The following BAG6 variants were observed in gnomAD, a reference collection of about 807,000 sequenced individuals.
The protein encoded by BAG6 is large proline-rich protein BAG6.
BAG6 carries 22 observed loss-of-function variants against 121.0 expected under a neutral mutation model. That is an observed-to-expected ratio of 0.18 (90% CI 0.13 to 0.26). The LOEUF is 0.26. Ranked by LOEUF, BAG6 falls within the 10% of genes least tolerant of loss-of-function variation. The pLI is 1.00. For synonymous variants in BAG6, 583 were observed against 584.6 expected (o/e 1.00, Z 0.04); for missense variants, 1,233 against 1,537.7 (o/e 0.80, Z 3.31).
chr6:31,642,327 G>A lies in BAG6; in HGVS notation c.2120C>T (p.Pro707Leu). 1 of 1,554,360 alleles carries A rather than the reference G, an allele frequency of 6.4e-7. No individual in the cohort carries two copies. Among genetic ancestry groups the A allele is most frequent in the Non-Finnish European group, 8.7e-7 (1 of 1,150,582 alleles). Reference sequence around the variant, plus strand: ...TGCGCCACCAGAAGGGGAGCCTGGTGGGGGCATGGTCTGCTGCTCTGGGGC... The same window carrying A: ...TGCGCCACCAGAAGGGGAGCCTGGTAGGGGCATGGTCTGCTGCTCTGGGGC... ...PPAPEQQTMP[P>L]PGSPSGGAGS... Residue 707 changes from proline (P) to leucine (L), a missense_variant, in exon 16 of 26, where the codon CCA becomes CTA. By Grantham distance (98) the Pro-to-Leu change is moderately conservative (BLOSUM62 -3). Around this residue, in one of 7 missense-constraint regions of BAG6, gnomAD observed 777 missense variants for 861.4 expected, o/e 0.90. Transcript: ENST00000676615.
At chr6:31,645,719 T>C (rs2150870571) in intron 8 of BAG6, 115 bp from the exon 9 acceptor site, 6 of 1,304,070 alleles carry the variant, frequency 4.6e-6, no homozygotes, top group South Asian at 2.5e-5. Context: ...CTTTCAGTTA[T>C]ATCCTTGGAA....
At chr6:31,648,270 C>T (rs1243724188) in intron 6 of BAG6, among the ~76,000 whole-genome samples, 1 of 152,180 alleles carries the variant, frequency 6.6e-6, no homozygotes, top group Non-Finnish European at 1.5e-5. Flanking sequence ...CCTGCCATGG[C>T]GACCCAAAGT....
chr6:31,651,966 G>A (rs897220998), intron 1 of BAG6, 190 bp from the exon 2 acceptor site: 16 of 531,940 alleles, frequency 3.0e-5, no homozygotes, highest in Admixed American at 1.5e-4. Context: ...GGAGATCGAC[G>A]GCTTAGGGAG....
chr6:31,644,813 A>C lies in BAG6; in HGVS notation c.1369+133T>G, dbSNP rs1231905022. 4 of 1,428,144 alleles carry C rather than the reference A, an allele frequency of 2.8e-6. No homozygotes were observed. The South Asian group carries it at 3.9e-5, about 14-fold the overall frequency. 88.5% of individuals were successfully genotyped at this position (1,428,144 alleles called of 1,614,324 possible). ...CCACACCCCCCACATCTGTCTACTT[A>C]AGCTTCTGCTCTGGTCCCCAGGCTA... is the stretch of plus-strand genomic sequence containing the variant. On this transcript the variant is annotated intron_variant, in intron 10 of 25. Coordinates refer to ENST00000676615, the MANE Select transcript of BAG6 (RefSeq NM_001387994.1). This position sits in a 1 kb window ranked among gnomAD's most constrained non-coding sequence, Gnocchi z 4.9.
At chr6:31,646,175 G>A (rs1788943436) in intron 8 of BAG6, among the ~76,000 whole-genome samples, 1 of 152,110 alleles carries the variant, frequency 6.6e-6, no homozygotes, top group African/African-American at 2.4e-5. Context: ...CAGTAGAGAT[G>A]GGGTTGCACC....
chr6:31,642,653 C>T (rs1035236185), intron 15 of BAG6, 176 bp downstream of exon 15: 1 of 819,048 alleles, frequency 1.2e-6, no homozygotes, highest in South Asian at 1.8e-5. Context: ...TTTTTCTAAA[C>T]CTCATTTTCT....
intron 1 of BAG6, 67 bp downstream of exon 1, chr6:31,652,357 A>ACACACACACACACACCCACC (rs878991736): frequency 4.9e-5 from 7 of 143,170 alleles, no homozygotes; most frequent in African/African-American, 1.6e-4. Context: ...ACACACACAC[A>ACACACACACACACACCCACC]CACCCACCAC....
In BAG6 at chr6:31,641,349, C is replaced by G. The variant is rs1170568661; in HGVS notation, c.2633G>C (p.Ser878Thr). 1 of 1,614,160 alleles carries G rather than the reference C, an allele frequency of 6.2e-7. No individual in the cohort carries two copies. Among genetic ancestry groups the G allele is most frequent in the Non-Finnish European group, 8.5e-7 (1 of 1,180,064 alleles). The change falls in exon 19 of 26, where the codon AGC becomes ACC. Residue 878 changes from serine (S) to threonine (T), a missense_variant. Transcript: ENST00000676615. This position sits in a 1 kb window ranked among gnomAD's most constrained non-coding sequence, Gnocchi z 5.7. ...GCAATGCAGCACATGCGCAGCAATG[C>G]TATTAAACTGCTCTTGGAGAAATTC... is the stretch of plus-strand genomic sequence containing the variant. ...NLEFLQEQFNSIAAHVLHCTD... is the reference protein window; with the variant it reads ...NLEFLQEQFNTIAAHVLHCTD...
chr6:31,639,316 A>AT, intron 25 of BAG6, 90 bp from the exon 26 acceptor site: 2 of 1,465,696 alleles, frequency 1.4e-6, no homozygotes, highest in Non-Finnish European at 1.9e-6. Context: ...AGAAGCTAAC[A>AT]TTTCCCCCCC....
chr6:31,643,401 C>A (rs1240377161), intron 14 of BAG6, among the ~76,000 whole-genome samples: 3 of 150,114 alleles, frequency 2.0e-5, no homozygotes, highest in African/African-American at 7.4e-5. Context: ...GTCTGGGTGA[C>A]AGAGCAAGAC....
At chr6:31,647,965 T>C in intron 6 of BAG6, 139 bp from the exon 7 acceptor site, 1 of 1,163,800 alleles carries the variant, frequency 8.6e-7, no homozygotes, top group Non-Finnish European at 1.1e-6. Flanking sequence ...TCCGACTCGC[T>C]AGCAACTAGC....
In BAG6 at chr6:31,651,732, A is replaced by T; in HGVS notation, c.32T>A (p.Val11Glu). The T allele has an allele frequency of 6.2e-7, 1 of 1,613,036 alleles. No individual in the cohort carries two copies. Among genetic ancestry groups the T allele is most frequent in the Non-Finnish European group, 8.5e-7 (1 of 1,180,024 alleles). Residue 11 changes from valine (V) to glutamate (E), a missense_variant, in exon 2 of 26, where the codon GTG (valine) becomes GAG (glutamate). Around this residue, in one of 7 missense-constraint regions of BAG6, gnomAD observed 25 missense variants for 16.5 expected, o/e 1.52. Transcript: ENST00000676615. ...CACCTCCAAGCTGTCAGGCTCCTCC[A>T]CAGCGGTACTGGTACTATCATTAGG... MEPNDSTSTA[V>E]EEPDSLEVLV...
Position 31,641,909 on chromosome 6 carries a change from T to C in BAG6, c.2372A>G (p.Asn791Ser). The C allele has an allele frequency of 6.2e-7, 1 of 1,612,600 alleles. No homozygotes were observed. The highest frequency in any genetic ancestry group is 1.1e-5 in the South Asian group (1 of 91,050). The change falls in exon 17 of 26, where the codon AAC (asparagine) becomes AGC (serine). Residue 791 changes from asparagine (N) to serine (S), a missense_variant. Transcript: ENST00000676615. This position sits in a 1 kb window ranked among gnomAD's most constrained non-coding sequence, Gnocchi z 5.7. The stretch of plus-strand genomic sequence containing the variant: ...CATCACTACGTCCACCATAGAGAAG[T>C]TCTGGCACAGAAGAGAAAGCAAGGC... Reference protein sequence around the residue: ...FGALLSLLCQNFSMVDVVMLL... With the variant: ...FGALLSLLCQSFSMVDVVMLL...
At chr6:31,648,654 C>T (rs780672572) in intron 6 of BAG6, 23 bp downstream of exon 6, 1 of 1,611,664 alleles carries the variant, frequency 6.2e-7, no homozygotes, top group Non-Finnish European at 8.5e-7. Context: ...GGAGAGAGAC[C>T]CTAGCCAGCC....
At chr6:31,651,110 G>A (rs1796188418) in intron 2 of BAG6, among the ~76,000 whole-genome samples, 1 of 152,178 alleles carries the variant, frequency 6.6e-6, no homozygotes, top group Non-Finnish European at 1.5e-5. Flanking sequence ...CCATGATGAT[G>A]ACACACAGAT....
At position 31,639,555 on chromosome 6, in the gene BAG6, T is replaced by C; in HGVS notation, c.3338A>G (p.Glu1113Gly). ...AAGARPLTSP[E>G]SLSRDLEAPE... ...TGCCTCCAGGTCCCGGCTCAGGCTCTCGGGGCTCGTCAGGGGCCGAGCTCC... is the reference window on the plus strand; with the variant it reads ...TGCCTCCAGGTCCCGGCTCAGGCTCCCGGGGCTCGTCAGGGGCCGAGCTCC... The change falls in exon 25 of 26, where the codon GAG (glutamate) becomes GGG (glycine). Residue 1113 changes from glutamate (E) to glycine (G), a missense_variant. Glu to Gly is a moderately conservative substitution (Grantham distance 98). Coordinates refer to ENST00000676615, the MANE Select transcript of BAG6 (RefSeq NM_001387994.1). 6.2e-7 allele frequency: 1 copy of C among 1,614,182 alleles called. No homozygotes were observed. Among genetic ancestry groups the C allele is most frequent in the Non-Finnish European group, 8.5e-7 (1 of 1,180,024 alleles).
At position 31,644,846 on chromosome 6, in the gene BAG6, C is replaced by G; in HGVS notation, c.1369+100G>C. On this transcript the variant is annotated intron_variant, in intron 10 of 25. Transcript: ENST00000676615. The surrounding 1 kb of genome is among the most constrained non-coding windows in gnomAD (Gnocchi z 4.9). ...GCTCTGGTCCCCAGGCTACCACCAC[C>G]AGCATGTGCCTCTCCCTTCCCCACC... 6.6e-7 allele frequency: 1 copy of G among 1,510,362 alleles called. No individual in the cohort carries two copies. Among genetic ancestry groups the G allele is most frequent in the Non-Finnish European group, 8.9e-7 (1 of 1,124,224 alleles). 93.6% of individuals were successfully genotyped at this position (1,510,362 alleles called of 1,614,324 possible).
chr6:31,650,431 G>A (rs1390096320), intron 2 of BAG6, among the ~76,000 whole-genome samples: 1 of 152,130 alleles, frequency 6.6e-6, no homozygotes, highest in Non-Finnish European at 1.5e-5. Context: ...GGAGGCCGAG[G>A]CAGGTGGATC....
At position 31,641,813 on chromosome 6, in the gene BAG6, T is replaced by A. The variant is rs1274446133; in HGVS notation, c.2468A>T (p.Tyr823Phe). 2 of 1,613,028 alleles carry A rather than the reference T, an allele frequency of 1.2e-6. No individual in the cohort carries two copies. The highest frequency in any genetic ancestry group is 1.7e-6 in the Non-Finnish European group (2 of 1,179,990). Residue 823 changes from tyrosine to phenylalanine, a missense_variant, in exon 17 of 26, where the codon TAC becomes TTC. Coordinates refer to ENST00000676615, the MANE Select transcript of BAG6 (RefSeq NM_001387994.1). The surrounding 1 kb of genome is among the most constrained non-coding windows in gnomAD (Gnocchi z 5.7). The part of the protein sequence containing the change: ...PQLRSFFHQH[Y>F]LGGQEPTPSN... ...GGGTGTGGGCTCCTGACCACCCAGG[T>A]AGTGCTGGTGGAAGAAGGATCGCAG...
Sources: allele counts gnomAD v4.1 joint callset (sites outside exome capture counted in the v4.1 genomes callset), GRCh38; gene constraint gnomAD v4.1.1; regional missense constraint gnomAD v4.1.1; non-coding constraint Gnocchi (gnomAD v3.1); transcripts MANE v1.5; gene names NCBI Gene and HGNC (gene_info 2026-07-23, HGNC 2026-07-21).